KRT6C: variants seen among roughly 807,000 people sequenced by gnomAD.
KRT6C encodes keratin, type II cytoskeletal 6C.
In KRT6C, 46 loss-of-function variants were observed where a neutral mutation model predicts 49.4. The ratio of observed to expected loss-of-function variants is 0.93; its 90% CI spans 0.74 to 1.19. The LOEUF (loss-of-function observed/expected upper bound fraction) is 1.19, where lower values mean the gene tolerates loss of function less well. Ranked by LOEUF, KRT6C falls within the 50% of genes most tolerant of loss-of-function variation. KRT6C has a pLI of 0.00. For synonymous variants in KRT6C, 236 were observed against 297.1 expected (o/e 0.79, Z 2.12); for missense variants, 552 against 737.5 (o/e 0.75, Z 2.91).
intron 6 of KRT6C, chr12:52,470,166 T>G: frequency 3.3e-6 from 2 of 604,234 alleles, no homozygotes; most frequent in East Asian, 5.8e-5. Flanking sequence ...GGAAGATGAA[T>G]GCTCGGTTTG....
chr12:52,469,579 G>A (rs1463192765), intron 7 of KRT6C, 91 bp downstream of exon 7: 42 of 1,612,616 alleles, frequency 2.6e-5, no homozygotes, highest in South Asian at 8.8e-5. Flanking sequence ...GAGCAATTAC[G>A]GCCATGAGCA....
chr12:52,469,608 C>T, intron 7 of KRT6C, 62 bp downstream of exon 7: 1 of 1,613,956 alleles, frequency 6.2e-7, no homozygotes, highest in Non-Finnish European at 8.5e-7. Flanking sequence ...TAGAATTGTG[C>T]TCAGTGCCAG....
chr12:52,471,454 A>G lies in KRT6C; in HGVS notation c.879T>C (p.Asp293=), dbSNP rs775325576. ...ELQAKADTLT[D]EINFLRALYD... ...ACAAGGCTCTCAGGAAGTTGATCTC[A>G]TCTGTGAGAGTGTCTGCCTTGGCTT... Residue 293 remains aspartate (D), a synonymous_variant, in exon 4 of 9, where the codon GAT becomes GAC. Transcript: ENST00000252250. The G allele has an allele frequency of 1.2e-4, 199 of 1,613,752 alleles. No individual in the cohort carries two copies. The highest frequency in any genetic ancestry group is 3.3e-4 in the Middle Eastern group (2 of 6,056).
chr12:52,473,112 C>T, intron 1 of KRT6C, 86 bp downstream of exon 1: 1 of 1,369,826 alleles, frequency 7.3e-7, no homozygotes, highest in Non-Finnish European at 1.0e-6. Flanking sequence ...CTTCTCCCTC[C>T]CTCCTAGGTC....
At chr12:52,471,767 A>T (rs1937889933) in intron 2 of KRT6C, 35 bp from the exon 3 acceptor site, 1 of 1,613,530 alleles carries the variant, frequency 6.2e-7, no homozygotes, top group African/African-American at 1.3e-5. Context: ...CATATGAGCC[A>T]GTGGGTAGGA....
At chr12:52,470,112 C>A in intron 6 of KRT6C, 1 of 647,762 alleles carries the variant, frequency 1.5e-6, no homozygotes. Context: ...ATGTGCGTTG[C>A]ATCTTATGGG....
rs1488779769 is a variant in KRT6C, at chr12:52,473,120, G to T, written c.540+78C>A. On this transcript the variant is annotated intron_variant, in intron 1 of 8. Coordinates refer to ENST00000252250, the MANE Select transcript of KRT6C (RefSeq NM_173086.5). Reference sequence around the variant, plus strand: ...GAATCCCCTTCTCCCTCCCTCCTAGGTCTCCCTAGCAGGAAGGTGTTGCTC... The same window carrying T: ...GAATCCCCTTCTCCCTCCCTCCTAGTTCTCCCTAGCAGGAAGGTGTTGCTC... 11 of 1,381,148 alleles carry T rather than the reference G, an allele frequency of 8.0e-6. 1 individual carries two copies. In the Admixed American group the frequency reaches 9.3e-5, roughly 12 times the overall value. The allele number at this position is 1,381,148 out of a possible 1,614,324, so 85.6% of individuals were successfully genotyped here.
chr12:52,468,708 T>C lies in KRT6C; in HGVS notation c.*354A>G, dbSNP rs1320642216. ...AAAATAAGTGGAAGTTGTTCTGAAA[T>C]AAGCCCCAGGCGATTTTCAGTAATG... On this transcript the variant is annotated 3_prime_UTR_variant, in exon 9 of 9. Transcript: ENST00000252250. The C allele has an allele frequency of 6.5e-6, 2 of 305,920 alleles. No homozygotes were observed. Among genetic ancestry groups the C allele is most frequent in the Non-Finnish European group, 1.2e-5 (2 of 163,146 alleles). The allele number at this position is 305,920 out of a possible 1,614,324, so 19.0% of individuals were successfully genotyped here.
In KRT6C at chr12:52,470,528, C is replaced by T; in HGVS notation, c.1180G>A (p.Glu394Lys). Residue 394 changes from glutamate to lysine, a missense_variant, in exon 6 of 9, where the codon GAG becomes AAG. Transcript: ENST00000252250. ...ACCTGCTTCTTGACATGGTCGATCT[C>T]AGATCTCAGCCTCTGGATCATGCGG... The part of the protein sequence containing the change: ...INRMIQRLRS[E>K]IDHVKKQCAS... 1 of 1,614,144 alleles carries T rather than the reference C, an allele frequency of 6.2e-7. No homozygotes were observed. The highest frequency in any genetic ancestry group is 8.5e-7 in the Non-Finnish European group (1 of 1,180,032).
rs1351658415 is a variant in KRT6C at position 52,471,145 on chromosome 12, C to G, written c.1064G>C (p.Trp355Ser). Residue 355 changes from tryptophan to serine, a missense_variant, in exon 5 of 9, where the codon TGG (tryptophan) becomes TCG (serine). By Grantham distance (177) the Trp-to-Ser change is radical. This residue lies in a region of KRT6C where 425 missense variants were observed against 439.4 expected (regional missense o/e 0.97). Transcript: ENST00000252250. Reference sequence around the variant, plus strand: ...CTCCCTGCTCACCTTGGTCTGGTACCAGGACTCAGCCTCAGCCCGGCTCCT... The same window carrying G: ...CTCCCTGCTCACCTTGGTCTGGTACGAGGACTCAGCCTCAGCCCGGCTCCT... ...AQRSRAEAES[W>S]YQTKYEELQV... The G allele has an allele frequency of 1.2e-5, 20 of 1,614,146 alleles. No individual in the cohort carries two copies. Among genetic ancestry groups the G allele is most frequent in the Non-Finnish European group, 1.6e-5 (19 of 1,180,034 alleles).
chr12:52,469,735 A>T lies in KRT6C; in HGVS notation c.1359T>A (p.Asn453Lys). 1 of 1,614,060 alleles carries T rather than the reference A, an allele frequency of 6.2e-7. No individual in the cohort carries two copies. ...TCTCCACATCCAGGGCCAGCTTGAC[A>T]TTCATCAGCTCCTGGTACTCCTTCA... ...RLLKEYQELMNVKLALDVEIA... is the reference protein window; with the variant it reads ...RLLKEYQELMKVKLALDVEIA... The change falls in exon 7 of 9, where the codon AAT (asparagine) becomes AAA (lysine). Residue 453 changes from asparagine to lysine, a missense_variant. This residue lies in a region of KRT6C where 425 missense variants were observed against 439.4 expected (regional missense o/e 0.97). Coordinates refer to ENST00000252250, the MANE Select transcript of KRT6C (RefSeq NM_173086.5).
chr12:52,471,185 C>G lies in KRT6C; in HGVS notation c.1024G>C (p.Glu342Gln). ...GCCCGGCTCCTCTGAGCAATCTCCT[C>G]GTATTGGGCCTTGACCTCAGCGATG... ...SIIAEVKAQY[E>Q]EIAQRSRAEA... The change falls in exon 5 of 9, where the codon GAG becomes CAG. Residue 342 changes from glutamate (E) to glutamine (Q), a missense_variant. By Grantham distance (29) the Glu-to-Gln change is conservative (BLOSUM62 2). This residue lies in a region of KRT6C where 425 missense variants were observed against 439.4 expected (regional missense o/e 0.97). Coordinates refer to ENST00000252250, the MANE Select transcript of KRT6C (RefSeq NM_173086.5). 6.2e-7 allele frequency: 1 copy of G among 1,614,182 alleles called. No individual in the cohort carries two copies. The highest frequency in any genetic ancestry group is 8.5e-7 in the Non-Finnish European group (1 of 1,180,028).
chr12:52,471,808 A>T (rs644414), intron 2 of KRT6C, 76 bp from the exon 3 acceptor site: 462,017 of 1,462,288 alleles, frequency 0.32, 78,643 homozygotes, highest in East Asian at 0.55. Flanking sequence ...GGATTCAACA[A>T]TTTCCTGAAT....
rs555268910 is a variant in KRT6C, at chr12:52,473,453, G to C, written c.285C>G (p.Gly95=). 7.2e-7 allele frequency: 1 copy of C among 1,386,340 alleles called. No homozygotes were observed. The highest frequency in any genetic ancestry group is 1.5e-5 in the African/African-American group (1 of 66,442). The allele number at this position is 1,386,340 out of a possible 1,614,324, so 85.9% of individuals were successfully genotyped here. The change falls in exon 1 of 9, where the codon GGC becomes GGG. Residue 95 remains glycine (G), a synonymous_variant. Coordinates refer to ENST00000252250, the MANE Select transcript of KRT6C (RefSeq NM_173086.5). ...CACCGAAACCAAATCCACTCCCGGC[G>C]CCACCAAAGCCATAGCTGCCTCCGG... ...SRAGGSYGFG[G]AGSGFGFGGG...
Position 52,468,768 on chromosome 12 carries a change from G to A in KRT6C, c.*294C>T, listed in dbSNP as rs780101890. 10 of 468,766 alleles carry A rather than the reference G, an allele frequency of 2.1e-5. No homozygotes were observed. Among genetic ancestry groups the A allele is most frequent in the Non-Finnish European group, 3.9e-5 (10 of 259,060 alleles). The allele number at this position is 468,766 out of a possible 1,614,324, so 29.0% of individuals were successfully genotyped here. On this transcript the variant is annotated 3_prime_UTR_variant, in exon 9 of 9. Coordinates refer to ENST00000252250, the MANE Select transcript of KRT6C (RefSeq NM_173086.5). Reference sequence around the variant, plus strand: ...AGAGATCATTTTCTTATAATGCTCAGCCTCAGAGAGAACAATTTTGGAGGC... The same window carrying A: ...AGAGATCATTTTCTTATAATGCTCAACCTCAGAGAGAACAATTTTGGAGGC...
rs11540292 is a variant in KRT6C at position 52,469,873 on chromosome 12, A to G, written c.1221T>C (p.Ala407=). The G allele has an allele frequency of 6.2e-7, 1 of 1,614,162 alleles. No individual in the cohort carries two copies. The highest frequency in any genetic ancestry group is 8.5e-7 in the Non-Finnish European group (1 of 1,180,026). The change falls in exon 7 of 9, where the codon GCT becomes GCC. Residue 407 remains alanine (A), a synonymous_variant. Coordinates refer to ENST00000252250, the MANE Select transcript of KRT6C (RefSeq NM_173086.5). ...CACGCTGCTCAGCATCAGCAATGGC[A>G]GCCTGCAGGCTGGCACACTAGGAGG... is the stretch of plus-strand genomic sequence containing the variant. The part of the protein sequence containing the change: ...HVKKQCASLQ[A]AIADAEQRGE...
At position 52,468,664 on chromosome 12, in the gene KRT6C, G is replaced by C; in HGVS notation, c.*398C>G. 2 of 265,612 alleles carry C rather than the reference G, an allele frequency of 7.5e-6. No individual in the cohort carries two copies. The highest frequency in any genetic ancestry group is 1.1e-4 in the South Asian group (2 of 18,576). The allele number at this position is 265,612 out of a possible 1,614,324, so 16.5% of individuals were successfully genotyped here. Reference sequence around the variant, plus strand: ...GGGGTTCACAATACTTTTAACTTAGGGAGTTTGGGGGCCAATGGAAAATAA... The same window carrying C: ...GGGGTTCACAATACTTTTAACTTAGCGAGTTTGGGGGCCAATGGAAAATAA... On this transcript the variant is annotated 3_prime_UTR_variant, in exon 9 of 9. Coordinates refer to ENST00000252250, the MANE Select transcript of KRT6C (RefSeq NM_173086.5).
At chr12:52,469,604 T>A (rs1937835931) in intron 7 of KRT6C, 66 bp downstream of exon 7, 1 of 1,613,704 alleles carries the variant, frequency 6.2e-7, no homozygotes, top group African/African-American at 1.3e-5. Context: ...ACCCTAGAAT[T>A]GTGCTCAGTG....
At position 52,472,077 on chromosome 12, in the gene KRT6C, G is replaced by A; in HGVS notation, c.744C>T (p.Asp248=). 6.3e-7 allele frequency: 1 copy of A among 1,595,922 alleles called. No individual in the cohort carries two copies. Among genetic ancestry groups the A allele is most frequent in the Non-Finnish European group, 8.5e-7 (1 of 1,174,192 alleles). ...AATGGAGTCCTCACTTGTTCTTGAG[G>A]TCCTCCACCAGGTCCTGCATGTTTC... ...ELRNMQDLVE[D]LKNKYEDEIN... is the part of the protein sequence containing the mutation. The change falls in exon 2 of 9, where the codon GAC becomes GAT. Residue 248 remains aspartate, a synonymous_variant. Coordinates refer to ENST00000252250, the MANE Select transcript of KRT6C (RefSeq NM_173086.5).
Sources: allele counts gnomAD v4.1 joint callset, GRCh38; gene constraint gnomAD v4.1.1; regional missense constraint gnomAD v4.1.1; transcripts MANE v1.5; gene names NCBI Gene and HGNC (gene_info 2026-07-23, HGNC 2026-07-21).